ARAP2: variants seen among roughly 807,000 people sequenced by gnomAD.
ARAP2 encodes the protein arf-GAP with Rho-GAP domain, ANK repeat and PH domain-containing protein 2.
ARAP2 carries 148 observed loss-of-function variants against 194.5 expected under a neutral mutation model. The observed-to-expected ratio is 0.76, with a 90% CI of 0.67 to 0.87. The LOEUF (loss-of-function observed/expected upper bound fraction) is 0.87. ARAP2 is among the 40% of genes least tolerant of loss of function. The probability of loss-of-function intolerance (pLI) is 0.00; values close to 1 mark genes in which losing one functional copy is unlikely to be tolerated. For missense variants in ARAP2, 2,128 were observed against 1,989.7 expected (o/e 1.07, Z -1.32); for synonymous variants, 695 against 683.5 (o/e 1.02, Z -0.26).
chr4:36,204,987 C>CAAAA (rs754960122), intron 6 of ARAP2, among the ~76,000 whole-genome samples: 1 of 35,072 alleles, frequency 2.9e-5, no homozygotes, highest in Non-Finnish European at 4.5e-5. Flanking sequence ...GACTCCATCT[C>CAAAA]AAAAAAAAAA....
intron 1 of ARAP2, among the ~76,000 whole-genome samples, chr4:36,239,476 G>A (rs1341938482): frequency 6.6e-6 from 1 of 152,126 alleles, no homozygotes; most frequent in Non-Finnish European, 1.5e-5. Flanking sequence ...ACTGTCACAT[G>A]CTACAATACA....
At chr4:36,198,282 G>A (rs927177437) in intron 6 of ARAP2, among the ~76,000 whole-genome samples, 6 of 152,266 alleles carry the variant, frequency 3.9e-5, no homozygotes, top group Middle Eastern at 3.4e-3. Context: ...TGGCTGATCC[G>A]GGGGCTTTTA....
At chr4:36,010,262 A>G (rs1186673135) in intron 9 of ARAP2, among the ~76,000 whole-genome samples, 1 of 151,528 alleles carries the variant, frequency 6.6e-6, no homozygotes, top group Non-Finnish European at 1.5e-5. Context: ...TTTAGAAAAA[A>G]TATAAATAAA....
chr4:36,072,625 A>G (rs762076027), intron 32 of ARAP2, among the ~76,000 whole-genome samples: 5 of 151,090 alleles, frequency 3.3e-5, no homozygotes, highest in Middle Eastern at 6.8e-3. Flanking sequence ...ATACTTGATT[A>G]GATAAGGAAC....
intron 9 of ARAP2, among the ~76,000 whole-genome samples, chr4:36,177,541 A>G (rs1738241903): frequency 6.6e-6 from 1 of 152,148 alleles, no homozygotes; most frequent in African/African-American, 2.4e-5. Flanking sequence ...TAGTCGTACA[A>G]TGTCATTTCA....
intron 8 of ARAP2, among the ~76,000 whole-genome samples, chr4:36,187,041 G>C (rs1262519955): frequency 1.3e-5 from 2 of 152,192 alleles, no homozygotes; most frequent in Non-Finnish European, 2.9e-5. Flanking sequence ...GTGCAAAAAA[G>C]GTTGGGAACC....
rs890643373 is a variant in ARAP2 at position 36,203,335 on chromosome 4, G to A, written c.1487+7055C>T. 5.3e-5 allele frequency among the ~76,000 whole-genome samples: 8 copies of A among 151,940 alleles called. 1 individual carries two copies. In the East Asian group the frequency reaches 1.6e-3, roughly 29 times the overall value. On this transcript the variant is annotated intron_variant, in intron 6 of 32. Transcript: ENST00000303965. ...GCGCAGTGGCTCACCCTGTAATCCA[G>A]CATTTTGGGAGACCTAGGTGGGTGG...
chr4:36,172,079 G>A (rs975790672), intron 9 of ARAP2, among the ~76,000 whole-genome samples: 2 of 152,220 alleles, frequency 1.3e-5, no homozygotes, highest in Non-Finnish European at 1.5e-5. Context: ...AAAGCAGAAG[G>A]CTGAAAATAG....
At chr4:36,133,422 T>C in intron 19 of ARAP2, 33 bp from the exon 20 acceptor site, 1 of 1,580,268 alleles carries the variant, frequency 6.3e-7, no homozygotes, top group South Asian at 1.1e-5. Flanking sequence ...CAAATTATAA[T>C]TTTGCTCTTT....
intron 15 of ARAP2, among the ~76,000 whole-genome samples, chr4:36,158,396 A>G (rs546102292): frequency 1.3e-5 from 2 of 152,266 alleles, no homozygotes; most frequent in African/African-American, 4.8e-5. Flanking sequence ...ACATTTATCT[A>G]CATTATCTGG....
chr4:36,125,478 C>A (rs1723660119), intron 21 of ARAP2, among the ~76,000 whole-genome samples: 1 of 152,072 alleles, frequency 6.6e-6, no homozygotes, highest in East Asian at 1.9e-4. Flanking sequence ...CTGTACAGTA[C>A]CCCTTCGATC....
chr4:36,200,953 T>A (rs4833126), intron 6 of ARAP2, among the ~76,000 whole-genome samples: 138,592 of 152,320 alleles, frequency 0.91, 63,103 homozygotes, highest in East Asian at 1. Flanking sequence ...AGACAATGCC[T>A]TCTTAGCCTA....
intron 2 of ARAP2, among the ~76,000 whole-genome samples, chr4:36,215,651 A>C (rs773074652): frequency 5.9e-5 from 9 of 152,344 alleles, no homozygotes; most frequent in Non-Finnish European, 1.3e-4. Flanking sequence ...CAAACCAAAA[A>C]AAGGACTCTT....
downstream of ARAP2, among the ~76,000 whole-genome samples, chr4:36,063,069 A>T (rs189967366): frequency 2.9e-3 from 446 of 152,236 alleles, 4 homozygotes; most frequent in Middle Eastern, 0.031. Context: ...TTTTTTGTTA[A>T]AGGGGTCTTT....
At chr4:36,026,240 A>G (rs2109351277) in intron 5 of ARAP2, among the ~76,000 whole-genome samples, 1 of 152,340 alleles carries the variant, frequency 6.6e-6, no homozygotes, top group South Asian at 2.1e-4. Context: ...GAATTATCCA[A>G]TGCCTGGCGA....
chr4:36,136,477 A>G (rs1413587452), intron 19 of ARAP2, among the ~76,000 whole-genome samples: 1 of 151,836 alleles, frequency 6.6e-6, no homozygotes, highest in South Asian at 2.1e-4. Context: ...CAATATAATA[A>G]CCATGAAGCA....
At chr4:36,007,219 CTAGAACCTGTGAATATGACT>C (rs1367352179) in intron 9 of ARAP2, among the ~76,000 whole-genome samples, 1 of 152,034 alleles carries the variant, frequency 6.6e-6, no homozygotes, top group African/African-American at 2.4e-5. Context: ...TAGATTCCAC[CTAGAACCTGTGAATATGACT>C]TTATTTGGGA....
intron 26 of ARAP2, among the ~76,000 whole-genome samples, chr4:36,111,382 G>A (rs1484103044): frequency 6.6e-6 from 1 of 151,846 alleles, no homozygotes; most frequent in East Asian, 2.0e-4. Flanking sequence ...ATAACCACAG[G>A]CCCTTCTGTT....
chr4:36,126,453 G>A (rs920228148), intron 21 of ARAP2, among the ~76,000 whole-genome samples: 1 of 151,940 alleles, frequency 6.6e-6, no homozygotes, highest in African/African-American at 2.4e-5. Context: ...AAACATATAA[G>A]TTAACAGTCC....
Sources: allele counts gnomAD v4.1 joint callset (sites outside exome capture counted in the v4.1 genomes callset), GRCh38; gene constraint gnomAD v4.1.1; transcripts MANE v1.5; gene names NCBI Gene and HGNC (gene_info 2026-07-23, HGNC 2026-07-21).